The following MRTFB variants were observed in gnomAD, a reference collection of about 807,000 sequenced individuals.
MRTFB encodes myocardin related transcription factor B, also known as myocardin-related transcription factor B.
Under a neutral mutation model 104.2 loss-of-function variants are expected in MRTFB, and 29 were observed. The observed-to-expected ratio is 0.28, with a 90% CI of 0.21 to 0.38. MRTFB has a LOEUF of 0.38. Among genes scored for constraint, MRTFB ranks in the 10% least tolerant of loss-of-function variants. The probability of loss-of-function intolerance (pLI) is 1.00; values close to 1 mark genes in which losing one functional copy is unlikely to be tolerated. For synonymous variants in MRTFB, 535 were observed against 519.5 expected, an observed-to-expected ratio of 1.03 and a Z score of -0.41; for missense variants, 1,270 against 1,341.6, an observed-to-expected ratio of 0.95 and a Z score of 0.83.
intron 8 of MRTFB, among the ~76,000 whole-genome samples, chr16:14,233,720 G>T (rs141255198): frequency 0.015 from 2,275 of 147,564 alleles, 62 homozygotes; most frequent in African/African-American, 0.055. Flanking sequence ...AACCCAGGAG[G>T]CAGAGGTTGC....
At chr16:14,070,073 G>A (rs2033598333), upstream of MRTFB, among the ~76,000 whole-genome samples, 1 of 152,206 alleles carries the variant, frequency 6.6e-6, no homozygotes, top group Admixed American at 6.5e-5. Context: ...ACATTGATGT[G>A]ATTATCAGGT....
Position 14,200,522 on chromosome 16 carries a change from T to C in MRTFB, c.155-9721T>C, listed in dbSNP as rs763274802. 6.8e-6 allele frequency: 11 copies of C among 1,609,822 alleles called. No homozygotes were observed. In the South Asian group the frequency reaches 1.1e-4, roughly 16 times the overall value. ...AATCATCGTCTGTCTTCTCTGTGAA[T>C]TGCTCAGCAGCAGCTTTATTACCTG... On this transcript the variant is annotated intron_variant, in intron 3 of 16. Coordinates refer to ENST00000571589, the MANE Select transcript of MRTFB (RefSeq NM_001308142.2).
At chr16:14,082,804 ATAAAG>A (rs901280014) in intron 2 of MRTFB, among the ~76,000 whole-genome samples, 1 of 152,076 alleles carries the variant, frequency 6.6e-6, no homozygotes. Context: ...TATAAATAAA[ATAAAG>A]TAAATAAAAT....
At chr16:14,251,099 G>A (rs568324558) in intron 13 of MRTFB, among the ~76,000 whole-genome samples, 20 of 152,166 alleles carry the variant, frequency 1.3e-4, no homozygotes, top group African/African-American at 4.1e-4. Context: ...AGAGTAGGCC[G>A]GGCGCGGTGG....
At chr16:14,071,663 G>T (rs2033703766) in intron 1 of MRTFB, among the ~76,000 whole-genome samples, 1 of 152,146 alleles carries the variant, frequency 6.6e-6, no homozygotes, top group Admixed American at 6.5e-5. Flanking sequence ...GACAGTGGCA[G>T]CGGCGTTTAT....
At chr16:14,171,534 T>G (rs1032073212) in intron 3 of MRTFB, among the ~76,000 whole-genome samples, 1 of 152,066 alleles carries the variant, frequency 6.6e-6, no homozygotes, top group Non-Finnish European at 1.5e-5. Context: ...ACATCTCTGT[T>G]TCTGGCACTA....
chr16:14,133,154 A>G (rs77052621), intron 2 of MRTFB, among the ~76,000 whole-genome samples: 6,397 of 152,308 alleles, frequency 0.042, 405 homozygotes, highest in African/African-American at 0.14. Context: ...TCGAAGTCAT[A>G]GACAGTGGTG....
At chr16:14,239,150 T>C (rs540392515) in intron 9 of MRTFB, among the ~76,000 whole-genome samples, 1 of 152,192 alleles carries the variant, frequency 6.6e-6, no homozygotes, top group East Asian at 1.9e-4. Flanking sequence ...CATTCTTTTA[T>C]ACCAGGGATT....
chr16:14,127,913 ATATATATATATATATATTTTTTTTTTT>A (rs1306507543), intron 2 of MRTFB, among the ~76,000 whole-genome samples: 4 of 45,532 alleles, frequency 8.8e-5, no homozygotes, highest in African/African-American at 3.4e-4. Flanking sequence ...ATATATATAT[ATATATATATATATATATTTTTTTTTTT>A]TTTTTTTTTT....
At chr16:14,158,505 TGTTG>T (rs2038909584) in intron 3 of MRTFB, among the ~76,000 whole-genome samples, 1 of 152,206 alleles carries the variant, frequency 6.6e-6, no homozygotes. Flanking sequence ...TAAAGTATAT[TGTTG>T]GTTCTAAAGC....
rs1291705384 is a variant in MRTFB at position 14,261,365 on chromosome 16, C to T, written c.3221C>T (p.Thr1074Ile). The T allele has an allele frequency of 6.2e-7, 1 of 1,614,170 alleles. No homozygotes were observed. The highest frequency in any genetic ancestry group is 8.5e-7 in the Non-Finnish European group (1 of 1,180,026). The change falls in exon 17 of 17, where the codon ACT becomes ATT. Residue 1074 changes from threonine (T) to isoleucine (I), a missense_variant. Physicochemically the swap from Thr to Ile is moderately conservative, Grantham distance 89 (BLOSUM62 -1). Around this residue, in one of 3 missense-constraint regions of MRTFB, gnomAD observed 1,144 missense variants for 1,131.5 expected, o/e 1.01. Coordinates refer to ENST00000571589, the MANE Select transcript of MRTFB (RefSeq NM_001308142.2). ...ATGCCCAACTCCTCTTCAGGACTCA[C>T]TCCTCTCAGCACCACCGCGCCGAGC... ...ITMPNSSSGLTPLSTTAPSMF... is the reference protein window; with the variant it reads ...ITMPNSSSGLIPLSTTAPSMF...
At chr16:14,241,838 G>T (rs776568385) in intron 10 of MRTFB, among the ~76,000 whole-genome samples, 2 of 152,018 alleles carry the variant, frequency 1.3e-5, no homozygotes, top group African/African-American at 2.4e-5. Context: ...TATTGACATT[G>T]GAAGGGAATC....
At chr16:14,070,725 T>A (rs1596673669), upstream of MRTFB, among the ~76,000 whole-genome samples, 1 of 152,266 alleles carries the variant, frequency 6.6e-6, no homozygotes, top group African/African-American at 2.4e-5. Flanking sequence ...GGCAGCGCCT[T>A]GAGCCTTGAA....
chr16:14,036,144 A>AAAATACAT, the MRTFB span, among the ~76,000 whole-genome samples: 6 of 119,462 alleles, frequency 5.0e-5, no homozygotes, highest in South Asian at 2.6e-4. Flanking sequence ...TATATTATAT[A>AAAATACAT]TATAATATAT....
the MRTFB span, among the ~76,000 whole-genome samples, chr16:13,999,051 G>A: frequency 1.2e-4 from 18 of 151,554 alleles, no homozygotes; most frequent in Non-Finnish European, 1.8e-4. Flanking sequence ...TTAGCCAGGC[G>A]TGGTAGCATG....
chr16:14,000,108 G>A, the MRTFB span, among the ~76,000 whole-genome samples: 2 of 150,744 alleles, frequency 1.3e-5, no homozygotes, highest in Non-Finnish European at 3.0e-5. Flanking sequence ...TGGAGAGACA[G>A]AGAGAGAGAG....
chr16:14,018,504 C>A, the MRTFB span, among the ~76,000 whole-genome samples: 1 of 152,174 alleles, frequency 6.6e-6, no homozygotes. Flanking sequence ...GATATATCTT[C>A]TGGACTACGT....
chr16:14,255,632 T>C (rs1479177797), intron 15 of MRTFB, among the ~76,000 whole-genome samples: 2 of 152,184 alleles, frequency 1.3e-5, no homozygotes, highest in Non-Finnish European at 2.9e-5. Flanking sequence ...GAGGAGTGTA[T>C]AGCATGTGTA....
chr16:14,144,644 T>G (rs2038199875), intron 3 of MRTFB: 1 of 152,028 alleles, frequency 6.6e-6, no homozygotes, highest in African/African-American at 2.4e-5. Context: ...CAAAAAAAAG[T>G]ACATGATAAA....
Sources: gnomAD v4.1 joint callset for allele counts (sites outside exome capture counted in the v4.1 genomes callset) on GRCh38, gnomAD v4.1.1 for gene constraint, gnomAD v4.1.1 regional missense constraint, MANE v1.5 for transcripts, NCBI Gene and HGNC (gene_info 2026-07-23, HGNC 2026-07-21) for gene names.